Variants in TUSC3 observed in about 807,000 individuals in gnomAD.
TUSC3 encodes tumor suppressor candidate 3.
TUSC3 carries 45 observed loss-of-function variants against 44.8 expected under a neutral mutation model. The ratio of observed to expected loss-of-function variants is 1.00; its 90% CI spans 0.79 to 1.29. The LOEUF (loss-of-function observed/expected upper bound fraction) is 1.29, where lower values mean the gene tolerates loss of function less well. TUSC3 is among the 50% of genes most tolerant of loss of function. The probability of loss-of-function intolerance (pLI) is 0.00; values close to 1 mark genes in which losing one functional copy is unlikely to be tolerated. For missense variants in TUSC3, 519 were observed against 437.9 expected, an observed-to-expected ratio of 1.19 and a Z score of -1.65; for synonymous variants, 212 against 152.9, an observed-to-expected ratio of 1.39 and a Z score of -2.85.
chr8:15,653,888 C>A (rs1339490072), intron 3 of TUSC3, among the ~76,000 whole-genome samples: 1 of 152,096 alleles, frequency 6.6e-6, no homozygotes, highest in Non-Finnish European at 1.5e-5. Context: ...ATAACAAGTG[C>A]AGAAACTTGG....
Position 15,511,291 on chromosome 8 carries a change from G to A in TUSC3, n.189+27808G>A, listed in dbSNP as rs535873126. Among the ~76,000 whole-genome samples the A allele has an allele frequency of 5.9e-5, 9 of 152,034 alleles. No homozygotes were observed. In the South Asian group the frequency reaches 1.7e-3, roughly 28 times the overall value. ...AAGGAGGAAGGAAGGGAGGGAGGGA[G>A]GTGAGGAAAGGAAATCCAGATTGGA... On this transcript the variant is annotated intron_variant and non_coding_transcript_variant, in intron 2 of 5. Coordinates refer to the TUSC3 transcript ENST00000503191.
the TUSC3 span, among the ~76,000 whole-genome samples, chr8:15,838,768 T>A: frequency 3.9e-5 from 6 of 152,170 alleles, no homozygotes; most frequent in Admixed American, 3.3e-4. Context: ...AGCCTTGTAG[T>A]ATAGTTTGAA....
intron 1 of TUSC3, among the ~76,000 whole-genome samples, chr8:15,544,676 G>C (rs1041383357): frequency 2.8e-4 from 42 of 151,810 alleles, no homozygotes; most frequent in African/African-American, 1.0e-3. Flanking sequence ...AATGATAAAA[G>C]GGGAGAGGAG....
the TUSC3 span, among the ~76,000 whole-genome samples, chr8:15,800,567 C>A: frequency 4.2e-3 from 632 of 150,348 alleles, 4 homozygotes; most frequent in African/African-American, 0.014. Flanking sequence ...GAGTGAGACC[C>A]TGTCTTTAAA....
At position 15,662,142 on chromosome 8, in the gene TUSC3, T is replaced by C; in HGVS notation, c.568-14T>C. 4 of 1,612,344 alleles carry C rather than the reference T, an allele frequency of 2.5e-6. No individual in the cohort carries two copies. Among genetic ancestry groups the C allele is most frequent in the Non-Finnish European group, 3.4e-6 (4 of 1,178,838 alleles). ...TTTTCTTTCATTTTTGAAATTTCTA[T>C]TGCATTTTTGCAGATTCGGGTTTTC... On this transcript the variant is annotated splice_polypyrimidine_tract_variant and intron_variant, in intron 4 of 10. Transcript: ENST00000503731.
At chr8:15,757,895 T>C (rs1319343441) in intron 10 of TUSC3, 40 bp downstream of exon 10, 2 of 1,453,802 alleles carry the variant, frequency 1.4e-6, no homozygotes, top group Non-Finnish European at 1.9e-6. Context: ...GTTTTCCTCA[T>C]TTTTCAAATA....
intron 1 of TUSC3, among the ~76,000 whole-genome samples, chr8:15,479,247 G>A (rs960212283): frequency 1.3e-5 from 2 of 152,124 alleles, no homozygotes; most frequent in Non-Finnish European, 2.9e-5. Flanking sequence ...TGTTTACTCT[G>A]ATGATAGTTT....
chr8:15,570,954 GTTTTTTTT>G (rs549277334), intron 1 of TUSC3, among the ~76,000 whole-genome samples: 2 of 44,494 alleles, frequency 4.5e-5, no homozygotes, highest in African/African-American at 5.7e-5. Context: ...TTGCCTATTA[GTTTTTTTT>G]TTTTTTTTTT....
At chr8:15,511,522 C>T (rs1165217042) in intron 2 of TUSC3, among the ~76,000 whole-genome samples, 2 of 151,976 alleles carry the variant, frequency 1.3e-5, no homozygotes, top group Non-Finnish European at 2.9e-5. Flanking sequence ...AAACACAATA[C>T]CACCAATTAT....
intron 2 of TUSC3, among the ~76,000 whole-genome samples, chr8:15,522,067 C>T (rs7009174): frequency 0.014 from 2,136 of 152,256 alleles, 50 homozygotes; most frequent in African/African-American, 0.048. Flanking sequence ...AATGCTATGG[C>T]AAGGCATTTC....
At chr8:15,820,583 G>A in the TUSC3 span, among the ~76,000 whole-genome samples, 4 of 152,108 alleles carry the variant, frequency 2.6e-5, no homozygotes, top group Non-Finnish European at 5.9e-5. Context: ...CTCCCAACGT[G>A]CTGGGATTAC....
intron 1 of TUSC3, among the ~76,000 whole-genome samples, chr8:15,562,366 C>G (rs1802509269): frequency 6.6e-6 from 1 of 152,150 alleles, no homozygotes; most frequent in African/African-American, 2.4e-5. Context: ...CTTATCTCCT[C>G]TCCCTTAAGA....
At chr8:15,484,902 G>A (rs1249265272) in intron 2 of TUSC3, among the ~76,000 whole-genome samples, 3 of 152,120 alleles carry the variant, frequency 2.0e-5, no homozygotes, top group African/African-American at 7.2e-5. Flanking sequence ...TTTAAAACAG[G>A]AAATTGAGAA....
chr8:15,755,961 G>A (rs1231464353), intron 9 of TUSC3, among the ~76,000 whole-genome samples: 1 of 152,068 alleles, frequency 6.6e-6, no homozygotes, highest in East Asian at 1.9e-4. Context: ...GAAGATGTCT[G>A]TAGTAACATC....
intron 7 of TUSC3, among the ~76,000 whole-genome samples, chr8:15,741,702 AAAAATT>A (rs1811204715): frequency 6.6e-6 from 1 of 152,198 alleles, no homozygotes; most frequent in African/African-American, 2.4e-5. Flanking sequence ...ATTAAAAAAA[AAAAATT>A]AAAAAGTCAT....
At chr8:15,606,472 CT>C (rs1364232234) in intron 1 of TUSC3, among the ~76,000 whole-genome samples, 1 of 151,964 alleles carries the variant, frequency 6.6e-6, no homozygotes, top group Non-Finnish European at 1.5e-5. Context: ...GTGGGTGCCC[CT>C]AACCTTCCCA....
intron 6 of TUSC3, among the ~76,000 whole-genome samples, chr8:15,696,571 A>G (rs1809177969): frequency 6.6e-6 from 1 of 152,148 alleles, no homozygotes; most frequent in African/African-American, 2.4e-5. Context: ...TCCAGACCCC[A>G]GAATGGTAGA....
intron 6 of TUSC3, among the ~76,000 whole-genome samples, chr8:15,724,300 T>A (rs1810417090): frequency 6.6e-6 from 1 of 152,076 alleles, no homozygotes; most frequent in South Asian, 2.1e-4. Context: ...GGTATTTTGT[T>A]AGGGCAACCA....
At chr8:15,535,547 C>A (rs929169527), upstream of TUSC3, among the ~76,000 whole-genome samples, 2 of 151,878 alleles carry the variant, frequency 1.3e-5, no homozygotes, top group Admixed American at 1.3e-4. Context: ...GCAGAGGAAG[C>A]AATCAGATAT....
Sources: gnomAD v4.1 joint callset for allele counts (sites outside exome capture counted in the v4.1 genomes callset) on GRCh38, gnomAD v4.1.1 for gene constraint, MANE v1.5 for transcripts, NCBI Gene and HGNC (gene_info 2026-07-23, HGNC 2026-07-21) for gene names.